Variants in TTYH2 observed in about 807,000 individuals in gnomAD.
The protein encoded by TTYH2 is protein tweety homolog 2.
In TTYH2, 49 loss-of-function variants were observed where a neutral mutation model predicts 68.3. The ratio of observed to expected loss-of-function variants is 0.72; its 90% CI spans 0.57 to 0.91. The LOEUF (loss-of-function observed/expected upper bound fraction) is 0.91. TTYH2 is among the 40% of genes least tolerant of loss of function. The pLI is 0.00. For synonymous variants in TTYH2, 272 were observed against 300.8 expected (o/e 0.90, Z 0.99); for missense variants, 631 against 700.4 (o/e 0.90, Z 1.12).
In TTYH2 at chr17:74,217,706, C is replaced by T. The variant is rs2050234528; in HGVS notation, c.129+3990C>T. On this transcript the variant is annotated intron_variant, in intron 1 of 13. Transcript: ENST00000269346. The surrounding 1 kb of genome is among the most constrained non-coding windows in gnomAD (Gnocchi z 4.0). ...CCCCCTGAGACCGGCACACCTCTCT[C>T]TATGTCTTCTGGGGCCAGGGCTGTT... Among the ~76,000 whole-genome samples, 1 of 152,216 alleles carries T rather than the reference C, an allele frequency of 6.6e-6. No individual in the cohort carries two copies. Among genetic ancestry groups the T allele is most frequent in the African/African-American group, 2.4e-5 (1 of 41,456 alleles).
chr17:74,244,602 A>G (rs1461287244), intron 6 of TTYH2, among the ~76,000 whole-genome samples: 1 of 151,874 alleles, frequency 6.6e-6, no homozygotes, highest in African/African-American at 2.4e-5. Flanking sequence ...TGGCTTAAAA[A>G]AAAAAAGTTG....
chr17:74,252,363 C>T lies in TTYH2; in HGVS notation c.1246C>T (p.His416Tyr). ...MICAGPRAWK[H>Y]FTTRNRDYDD... ...CTGTGCAGGGCCAAGGGCCTGGAAG[C>T]ACTTCACCACCAGGTGGGCTGCCTA... Residue 416 changes from histidine (H) to tyrosine (Y), a missense_variant, in exon 11 of 14, where the codon CAC (histidine) becomes TAC (tyrosine). His to Tyr is a moderately conservative substitution (Grantham distance 83). Transcript: ENST00000269346. 1 of 1,613,652 alleles carries T rather than the reference C, an allele frequency of 6.2e-7. No homozygotes were observed. The highest frequency in any genetic ancestry group is 8.5e-7 in the Non-Finnish European group (1 of 1,179,962).
rs1294184142 is a variant in TTYH2 at position 74,222,899 on chromosome 17, C to T, written c.302+242C>T. The stretch of plus-strand genomic sequence containing the variant: ...AAACCCTGCCCCAATGTGGGTTTGT[C>T]CTGTGCCCAGCAGCTGTGCAGGCAG... On this transcript the variant is annotated intron_variant, in intron 2 of 13. Transcript: ENST00000269346. The surrounding 1 kb of genome is among the most constrained non-coding windows in gnomAD (Gnocchi z 5.2). 6.6e-6 allele frequency among the ~76,000 whole-genome samples: 1 copy of T among 151,888 alleles called. No individual in the cohort carries two copies. Among genetic ancestry groups the T allele is most frequent in the Non-Finnish European group, 1.5e-5 (1 of 67,986 alleles).
chr17:74,254,491 A>T (rs1343736846), intron 13 of TTYH2, among the ~76,000 whole-genome samples: 6 of 152,172 alleles, frequency 3.9e-5, no homozygotes, highest in Non-Finnish European at 7.3e-5. Context: ...TATCCAGAGG[A>T]AAAATAAAAC....
chr17:74,249,169 C>A, intron 7 of TTYH2, 89 bp downstream of exon 7: 1 of 1,587,712 alleles, frequency 6.3e-7, no homozygotes, highest in Non-Finnish European at 8.6e-7. Flanking sequence ...TGTAGCCATC[C>A]AACCCCTCCT....
intron 2 of TTYH2, among the ~76,000 whole-genome samples, chr17:74,230,282 A>G (rs970737663): frequency 6.6e-6 from 1 of 150,898 alleles, no homozygotes; most frequent in African/African-American, 2.4e-5. Context: ...TTTTGCAGAG[A>G]TAGGGTCTCA....
chr17:74,231,128 G>A, intron 3 of TTYH2, 129 bp downstream of exon 3: 1 of 838,864 alleles, frequency 1.2e-6, no homozygotes, highest in African/African-American at 1.7e-5. Flanking sequence ...CCTGAGGGCT[G>A]GACCCCCGCC....
At chr17:74,248,803 G>C in intron 6 of TTYH2, 1 of 1,420,860 alleles carries the variant, frequency 7.0e-7, no homozygotes, top group Non-Finnish European at 9.2e-7. Context: ...AGGCAACCGG[G>C]GCACAGGAAG....
intron 2 of TTYH2, among the ~76,000 whole-genome samples, chr17:74,227,749 GT>G (rs61337166): frequency 0.053 from 7,089 of 133,264 alleles, 383 homozygotes; most frequent in African/African-American, 0.16. Context: ...CAGGAACCTT[GT>G]TTTTTTTTTT....
chr17:74,243,339 C>A, intron 4 of TTYH2, 35 bp from the exon 5 acceptor site: 5 of 1,584,176 alleles, frequency 3.2e-6, no homozygotes, highest in Non-Finnish European at 4.3e-6. Flanking sequence ...AAGTTCCACC[C>A]TGCTGCTCCT....
chr17:74,251,300 T>TGC (rs1289657690), intron 10 of TTYH2, among the ~76,000 whole-genome samples: 107 of 149,742 alleles, frequency 7.1e-4, no homozygotes, highest in African/African-American at 2.5e-3. Flanking sequence ...GTGGTGTGTG[T>TGC]GCATGTGTGT....
Position 74,241,288 on chromosome 17 carries a change from T to TGTGTGTGTGC in TTYH2, c.636-2081_636-2072dup, listed in dbSNP as rs1349401341. Among the ~76,000 whole-genome samples the TGTGTGTGTGC allele has an allele frequency of 2.0e-5, 3 of 151,374 alleles. No homozygotes were observed. Among genetic ancestry groups the TGTGTGTGTGC allele is most frequent in the Non-Finnish European group, 4.4e-5 (3 of 67,970 alleles). ...GTGTGTGTGTGTGTGTGTGTGTGTG[T>TGTGTGTGTGC]GTGTGTGTGCGTGTAAAAATAAGAA... is the stretch of plus-strand genomic sequence containing the variant. On this transcript the variant is annotated intron_variant, in intron 4 of 13. Coordinates refer to ENST00000269346, the MANE Select transcript of TTYH2 (RefSeq NM_032646.6). The surrounding 1 kb of genome is among the most constrained non-coding windows in gnomAD (Gnocchi z 4.1).
Position 74,250,348 on chromosome 17 carries a change from G to C in TTYH2, c.1107G>C (p.Gly369=), listed in dbSNP as rs1327673905. ...HQLTAMVDCR[G]LHKDYLDALA... ...TGACCGCCATGGTGGACTGCCGAGG[G>C]CTGCACAAGGTGCATGGGGACCCTG... The change falls in exon 10 of 14, where the codon GGG becomes GGC. Residue 369 remains glycine, a synonymous_variant. Transcript: ENST00000269346. The C allele has an allele frequency of 6.2e-7, 1 of 1,613,086 alleles. No individual in the cohort carries two copies. Among genetic ancestry groups the C allele is most frequent in the East Asian group, 2.2e-5 (1 of 44,864 alleles).
At chr17:74,225,320 G>T (rs2050318866) in intron 2 of TTYH2, among the ~76,000 whole-genome samples, 1 of 152,052 alleles carries the variant, frequency 6.6e-6, no homozygotes, top group African/African-American at 2.4e-5. Context: ...GTGGCAGTGG[G>T]ATGGGGAAAG....
At position 74,261,042 on chromosome 17, in the gene TTYH2, T is replaced by C. The variant is rs2050745365; in HGVS notation, c.*833T>C. 6.5e-6 allele frequency: 1 copy of C among 152,672 alleles called. No homozygotes were observed. Among genetic ancestry groups the C allele is most frequent in the African/African-American group, 2.4e-5 (1 of 41,468 alleles). 9.5% of individuals were successfully genotyped at this position (152,672 alleles called of 1,614,324 possible). On this transcript the variant is annotated 3_prime_UTR_variant, in exon 14 of 14. Coordinates refer to ENST00000269346, the MANE Select transcript of TTYH2 (RefSeq NM_032646.6). ...TTTCTTTTCTCCAGTGTTTTAAACA[T>C]GTTGATTATCCAAAGAATTGAAACT...
chr17:74,213,764 C>A lies in TTYH2; in HGVS notation c.129+48C>A. On this transcript the variant is annotated intron_variant, in intron 1 of 13. Coordinates refer to ENST00000269346, the MANE Select transcript of TTYH2 (RefSeq NM_032646.6). The surrounding 1 kb of genome is among the most constrained non-coding windows in gnomAD (Gnocchi z 6.1). ...CGCAGCCACGCGCGCCCCAAGTCCC[C>A]GCACTACCCCCTCTCCCCTCGAGAG... 6.3e-7 allele frequency: 1 copy of A among 1,592,740 alleles called. No homozygotes were observed. The highest frequency in any genetic ancestry group is 8.6e-7 in the Non-Finnish European group (1 of 1,168,644).
At chr17:74,254,739 A>G (rs769004428) in intron 13 of TTYH2, among the ~76,000 whole-genome samples, 5 of 152,266 alleles carry the variant, frequency 3.3e-5, no homozygotes, top group Non-Finnish European at 7.3e-5. Flanking sequence ...TTTCTAAAGG[A>G]AATACTGCAA....
intron 1 of TTYH2, among the ~76,000 whole-genome samples, chr17:74,218,114 T>C (rs1210795087): frequency 7.0e-6 from 1 of 142,078 alleles, no homozygotes; most frequent in African/African-American, 2.6e-5. Context: ...AGCAAGAAAA[T>C]AATTGCCCAT....
intron 2 of TTYH2, among the ~76,000 whole-genome samples, chr17:74,227,983 C>CTTTTTTTTTTTTTTTTTTTTTT (rs35080135): frequency 1.2e-4 from 13 of 112,510 alleles, no homozygotes; most frequent in African/African-American, 4.6e-4. Context: ...TCTTTTCTTT[C>CTTTTTTTTTTTTTTTTTTTTTT]TTTTTTTTTT....
Sources: allele counts gnomAD v4.1 joint callset (sites outside exome capture counted in the v4.1 genomes callset), GRCh38; gene constraint gnomAD v4.1.1; non-coding constraint Gnocchi (gnomAD v3.1); transcripts MANE v1.5; gene names NCBI Gene and HGNC (gene_info 2026-07-23, HGNC 2026-07-21).